Variants in PPP1R16A observed in about 807,000 individuals in gnomAD.
PPP1R16A encodes myosin phosphatase-targeting subunit 3.
PPP1R16A carries 39 observed loss-of-function variants against 46.6 expected under a neutral mutation model. The observed-to-expected ratio is 0.84, with a 90% CI of 0.65 to 1.09. The LOEUF (loss-of-function observed/expected upper bound fraction) is 1.09. PPP1R16A is among the 50% of genes least tolerant of loss of function. The pLI, the probability that PPP1R16A is intolerant of heterozygous loss-of-function variation, is 0.00. For synonymous variants in PPP1R16A, 413 were observed against 321.5 expected, an observed-to-expected ratio of 1.28 and a Z score of -3.04; for missense variants, 798 against 735.6, an observed-to-expected ratio of 1.08 and a Z score of -0.98.
chr8:144,500,002 G>T, intron 5 of PPP1R16A, 94 bp from the exon 6 acceptor site: 1 of 1,352,318 alleles, frequency 7.4e-7, no homozygotes. Context: ...GGGCAGCCCT[G>T]GGCTGAGGGG....
intron 1 of PPP1R16A, among the ~76,000 whole-genome samples, chr8:144,486,195 G>A (rs998321902): frequency 2.6e-5 from 4 of 152,120 alleles, no homozygotes. Context: ...CCAGGTTGGA[G>A]TGCAGTGGTG....
chr8:144,488,734 G>C (rs1286324399), intron 1 of PPP1R16A, among the ~76,000 whole-genome samples: 1 of 152,104 alleles, frequency 6.6e-6, no homozygotes, highest in Non-Finnish European at 1.5e-5. Flanking sequence ...GTTGGTGCCT[G>C]ATGATGTGTG....
At position 144,498,954 on chromosome 8, in the gene PPP1R16A, C is replaced by A; in HGVS notation, c.369C>A (p.Leu123=). Residue 123 remains leucine, a synonymous_variant, in exon 5 of 12, where the codon CTC becomes CTA. Coordinates refer to ENST00000435887, the MANE Select transcript of PPP1R16A (RefSeq NM_001329443.2). ...ATTTCCGAGAGATGGTGCAGCAGCTCCTGGAGGCTGGGGCCAACATCAATG... is the reference window on the plus strand; with the variant it reads ...ATTTCCGAGAGATGGTGCAGCAGCTACTGGAGGCTGGGGCCAACATCAATG... The part of the protein sequence containing the change: ...IDDFREMVQQ[L]LEAGANINAC... The A allele has an allele frequency of 6.2e-7, 1 of 1,612,622 alleles. No homozygotes were observed.
intron 5 of PPP1R16A, chr8:144,499,375 G>C: frequency 2.6e-6 from 1 of 386,236 alleles, no homozygotes; most frequent in Non-Finnish European, 4.7e-6. Flanking sequence ...AAGGAGGGAA[G>C]CAGAGTGAGG....
intron 1 of PPP1R16A, among the ~76,000 whole-genome samples, chr8:144,486,629 G>T (rs967979453): frequency 5.1e-4 from 78 of 152,168 alleles, no homozygotes; most frequent in Admixed American, 2.6e-4. Flanking sequence ...TCTTGTCACG[G>T]ACGCATTTGC....
rs999474787 is a variant in PPP1R16A, at chr8:144,493,309, T to C, written c.-735+3097T>C. Among the ~76,000 whole-genome samples, 2 of 152,118 alleles carry C rather than the reference T, an allele frequency of 1.3e-5. No individual in the cohort carries two copies. The highest frequency in any genetic ancestry group is 4.8e-5 in the African/African-American group (2 of 41,436). ...GAACTGGAATGAACCGACCCGGGAA[T>C]CTGTTTGACATTCCAAGGAGGTTTG... On this transcript the variant is annotated intron_variant, in intron 2 of 11. Transcript: ENST00000435887. This position sits in a 1 kb window ranked among gnomAD's most constrained non-coding sequence, Gnocchi z 4.3.
intron 1 of PPP1R16A, among the ~76,000 whole-genome samples, chr8:144,482,332 A>G (rs1825465941): frequency 6.6e-6 from 1 of 152,190 alleles, no homozygotes; most frequent in South Asian, 2.1e-4. Context: ...TGCTGGGATT[A>G]TAGGCATGAG....
intron 1 of PPP1R16A, among the ~76,000 whole-genome samples, chr8:144,481,221 C>A (rs1171684856): frequency 6.6e-6 from 1 of 151,986 alleles, no homozygotes; most frequent in Non-Finnish European, 1.5e-5. Flanking sequence ...ACGTCATAAT[C>A]CAAATATAAA....
intron 2 of PPP1R16A, among the ~76,000 whole-genome samples, chr8:144,492,135 A>G (rs1825833847): frequency 6.6e-6 from 1 of 152,130 alleles, no homozygotes; most frequent in African/African-American, 2.4e-5. Flanking sequence ...CCAGCCCGTC[A>G]CTGCCGGGGC....
intron 3 of PPP1R16A, 113 bp from the exon 4 acceptor site, chr8:144,498,657 C>T: frequency 2.8e-6 from 3 of 1,067,980 alleles, no homozygotes; most frequent in Non-Finnish European, 4.0e-6. Context: ...GGTGTGCCTC[C>T]TGCCATCGGC....
chr8:144,494,065 T>C (rs1825931441), intron 2 of PPP1R16A, among the ~76,000 whole-genome samples: 1 of 152,214 alleles, frequency 6.6e-6, no homozygotes, highest in Admixed American at 6.5e-5. Flanking sequence ...CTTTCTCTTC[T>C]GTAGGACATG....
chr8:144,501,796 C>T lies in PPP1R16A; in HGVS notation c.1480C>T (p.Gln494Ter). The change falls in exon 12 of 12, where the codon CAG (glutamine) becomes TAG (stop). Residue 494 changes from glutamine (Q) to a stop codon, truncating the protein, a stop_gained. Coordinates refer to ENST00000435887, the MANE Select transcript of PPP1R16A (RefSeq NM_001329443.2). LOFTEE classifies it low-confidence loss of function (END_TRUNC). ...CCTGCCTGGTGACACGGTGACCCCC[C>T]AGCCTGACTGTGGCTTCAGGGCAGG... ...PGLPGDTVTPQPDCGFRAGGD... is the reference protein window; with the variant it reads ...PGLPGDTVTP 20 of 1,557,776 alleles carry T rather than the reference C, an allele frequency of 1.3e-5. No individual in the cohort carries two copies. Among genetic ancestry groups the T allele is most frequent in the Non-Finnish European group, 1.7e-5 (20 of 1,151,870 alleles).
In PPP1R16A at chr8:144,501,714, C is replaced by T. The variant is rs541688441; in HGVS notation, c.1398C>T (p.Ala466=). ...ACCTGAAGCGCCAGCGAGCTGCTGC[C>T]AAGCTGCAGCGACCCCCACCTGAGG... The part of the protein sequence containing the change: ...LADLKRQRAA[A]KLQRPPPEGP... Residue 466 remains alanine, a synonymous_variant, in exon 12 of 12, where the codon GCC becomes GCT. Coordinates refer to ENST00000435887, the MANE Select transcript of PPP1R16A (RefSeq NM_001329443.2). 1.9e-6 allele frequency: 3 copies of T among 1,595,794 alleles called. No homozygotes were observed. The highest frequency in any genetic ancestry group is 1.3e-5 in the African/African-American group (1 of 74,376).
In PPP1R16A at chr8:144,493,199, TG is replaced by T. The variant is rs912718866; in HGVS notation, c.-735+2991del. The stretch of plus-strand genomic sequence containing the variant: ...CGGGGACAGTGCCCAGTATCCTCCA[TG>T]GGGCTCCTCCCGCCTGGGTCCCACA... On this transcript the variant is annotated intron_variant, in intron 2 of 11. Transcript: ENST00000435887. This position sits in a 1 kb window ranked among gnomAD's most constrained non-coding sequence, Gnocchi z 4.3. Among the ~76,000 whole-genome samples, 1 of 152,006 alleles carries T rather than the reference TG, an allele frequency of 6.6e-6. No homozygotes were observed. Among genetic ancestry groups the T allele is most frequent in the African/African-American group, 2.4e-5 (1 of 41,392 alleles).
chr8:144,502,040 A>G lies in PPP1R16A; in HGVS notation c.*137A>G. On this transcript the variant is annotated 3_prime_UTR_variant, in exon 12 of 12. Transcript: ENST00000435887. ...ACAGGACACTGGCCCCTCTCAGGTC[A>G]GAAGACATGCCTGGAGGGATGTCTG... The G allele has an allele frequency of 1.2e-6, 1 of 831,468 alleles. No homozygotes were observed. Among genetic ancestry groups the G allele is most frequent in the Non-Finnish European group, 1.8e-6 (1 of 557,848 alleles). The allele number at this position is 831,468 out of a possible 1,614,324, so 51.5% of individuals were successfully genotyped here.
chr8:144,501,858 G>T lies in PPP1R16A; in HGVS notation c.1542G>T (p.Ala514=), dbSNP rs1256374754. Reference sequence around the variant, plus strand: ...CCCTGCTCAAGCTCACAGCCCCGGCGGTGGAGGCTCCCGTGGAGAGGAGGC... The same window carrying T: ...CCCTGCTCAAGCTCACAGCCCCGGCTGTGGAGGCTCCCGTGGAGAGGAGGC... ...DPPLLKLTAP[A]VEAPVERRPC... The change falls in exon 12 of 12, where the codon GCG becomes GCT. Residue 514 remains alanine (A), a synonymous_variant. Coordinates refer to ENST00000435887, the MANE Select transcript of PPP1R16A (RefSeq NM_001329443.2). The T allele has an allele frequency of 1.3e-6, 2 of 1,546,216 alleles. No individual in the cohort carries two copies. The highest frequency in any genetic ancestry group is 4.9e-5 in the East Asian group (2 of 41,104).
chr8:144,485,989 A>C (rs901281496), intron 1 of PPP1R16A, among the ~76,000 whole-genome samples: 4 of 152,184 alleles, frequency 2.6e-5, no homozygotes, highest in Admixed American at 2.0e-4. Flanking sequence ...AGTTGTGTGC[A>C]CTACTAGTGT....
Position 144,497,380 on chromosome 8 carries a change from G to C in PPP1R16A, c.186G>C (p.Gly62=). 6.2e-7 allele frequency: 1 copy of C among 1,613,050 alleles called. No homozygotes were observed. Among genetic ancestry groups the C allele is most frequent in the Non-Finnish European group, 8.5e-7 (1 of 1,180,022 alleles). Residue 62 remains glycine (G), a synonymous_variant, in exon 3 of 12, where the codon GGG becomes GGC. Transcript: ENST00000435887. ...CCCGGAAGGAGGCAGCCAGCCAAGG[G>C]CTCCTGAAGCAGGTCCTCTTCCCTC... ...ERPRKEAASQ[G]LLKQVLFPPS...
Position 144,500,544 on chromosome 8 carries a change from C to T in PPP1R16A, c.763C>T (p.Arg255Ter), listed in dbSNP as rs774899840. ...SEAAALLLEH[R>*]ASLSAKDQDG... Reference sequence around the variant, plus strand: ...GGCGGCTGCCCTGCTGCTGGAACACCGAGCCAGCCTGAGCGCTAAGGACCA... The same window carrying T: ...GGCGGCTGCCCTGCTGCTGGAACACTGAGCCAGCCTGAGCGCTAAGGACCA... The change falls in exon 8 of 12, where the codon CGA (arginine) becomes TGA (stop). Residue 255 changes from arginine (R) to a stop codon, truncating the protein, a stop_gained. Transcript: ENST00000435887. LOFTEE classifies it high-confidence loss of function. The T allele has an allele frequency of 1.9e-6, 3 of 1,595,914 alleles. No homozygotes were observed. The highest frequency in any genetic ancestry group is 2.2e-5 in the East Asian group (1 of 44,728).
Sources: gnomAD v4.1 joint callset for allele counts (sites outside exome capture counted in the v4.1 genomes callset) on GRCh38, gnomAD v4.1.1 for gene constraint, Gnocchi (gnomAD v3.1) non-coding constraint, MANE v1.5 for transcripts, NCBI Gene and HGNC (gene_info 2026-07-23, HGNC 2026-07-21) for gene names.